NTN4: variants seen among roughly 807,000 people sequenced by gnomAD.
The protein encoded by NTN4 is netrin-4.
NTN4 carries 32 observed loss-of-function variants against 73.6 expected under a neutral mutation model. The ratio of observed to expected loss-of-function variants is 0.44; its 90% CI spans 0.33 to 0.58. The LOEUF (loss-of-function observed/expected upper bound fraction) is 0.58, where lower values mean the gene tolerates loss of function less well. NTN4 is among the 20% of genes least tolerant of loss of function. The probability of loss-of-function intolerance (pLI) is 0.04; values close to 1 mark genes in which losing one functional copy is unlikely to be tolerated. For missense variants in NTN4, 654 were observed against 798.3 expected (o/e 0.82, Z 2.18); for synonymous variants, 258 against 287.5 (o/e 0.90, Z 1.04).
intron 2 of NTN4, among the ~76,000 whole-genome samples, chr12:95,751,530 G>T (rs1374532527): frequency 1.3e-5 from 2 of 152,014 alleles, no homozygotes; most frequent in African/African-American, 4.8e-5. Flanking sequence ...ATCTGTGTGG[G>T]ACCCCACTGA....
intron 2 of NTN4, among the ~76,000 whole-genome samples, chr12:95,757,439 A>G (rs1297987380): frequency 6.6e-6 from 1 of 152,136 alleles, no homozygotes; most frequent in East Asian, 1.9e-4. Flanking sequence ...TGGTTATAGA[A>G]TACATAGCAA....
At chr12:95,713,439 A>G in intron 3 of NTN4, 101 bp from the exon 4 acceptor site, 2 of 1,327,038 alleles carry the variant, frequency 1.5e-6, no homozygotes, top group Non-Finnish European at 2.0e-6. Context: ...TTTAGTCATA[A>G]GATGTTCATT....
At chr12:95,786,075 T>C (rs2079165342) in intron 2 of NTN4, among the ~76,000 whole-genome samples, 1 of 152,180 alleles carries the variant, frequency 6.6e-6, no homozygotes, top group South Asian at 2.1e-4. Context: ...CACCCCTAGT[T>C]GAAAGCCACT....
At chr12:95,663,156 G>A (rs542717892) in intron 9 of NTN4, among the ~76,000 whole-genome samples, 1 of 151,718 alleles carries the variant, frequency 6.6e-6, no homozygotes, top group Non-Finnish European at 1.5e-5. Flanking sequence ...TCAATCTCAG[G>A]GTTAAGTCTA....
chr12:95,738,728 T>C (rs2078800863), intron 2 of NTN4, among the ~76,000 whole-genome samples: 1 of 152,168 alleles, frequency 6.6e-6, no homozygotes, highest in Non-Finnish European at 1.5e-5. Context: ...TAGAGATCAA[T>C]TTCATACCAA....
intron 5 of NTN4, among the ~76,000 whole-genome samples, chr12:95,708,730 T>A (rs2078540297): frequency 6.6e-6 from 1 of 152,192 alleles, no homozygotes; most frequent in South Asian, 2.1e-4. Flanking sequence ...TCTTGAGGGC[T>A]TATTCTATGA....
Position 95,737,928 on chromosome 12 carries a change from C to T in NTN4, c.802G>A (p.Ala268Thr), listed in dbSNP as rs140109505. 2.2e-5 allele frequency: 36 copies of T among 1,613,974 alleles called. No homozygotes were observed. The highest frequency in any genetic ancestry group is 2.7e-5 in the Non-Finnish European group (32 of 1,179,984). The stretch of plus-strand genomic sequence containing the variant: ...CCATGAACAGGTATGCATTGATCAG[C>T]GTGGCCATTGCAGAAGCAGCTGCCC... The part of the protein sequence containing the change: ...VKGSCFCNGH[A>T]DQCIPVHGFR... Residue 268 changes from alanine to threonine, a missense_variant, in exon 3 of 10, where the codon GCT becomes ACT. Coordinates refer to ENST00000343702, the MANE Select transcript of NTN4 (RefSeq NM_021229.4).
chr12:95,729,356 G>C (rs1374878945), intron 3 of NTN4, among the ~76,000 whole-genome samples: 13 of 151,826 alleles, frequency 8.6e-5, no homozygotes, highest in Non-Finnish European at 1.9e-4. Context: ...TAGGAAAAGA[G>C]CTAAAAAGAT....
chr12:95,701,917 G>A (rs1474728081), intron 5 of NTN4, among the ~76,000 whole-genome samples: 1 of 152,172 alleles, frequency 6.6e-6, no homozygotes, highest in African/African-American at 2.4e-5. Context: ...CATAGATGCT[G>A]TGAGGAAGAA....
intron 2 of NTN4, among the ~76,000 whole-genome samples, chr12:95,761,393 C>G (rs1284550019): frequency 6.9e-6 from 1 of 145,234 alleles, no homozygotes. Flanking sequence ...TGCAGTGGTG[C>G]GATCTCGGCT....
intron 5 of NTN4, among the ~76,000 whole-genome samples, chr12:95,689,389 AT>A (rs1473952583): frequency 6.6e-6 from 1 of 152,106 alleles, no homozygotes; most frequent in East Asian, 1.9e-4. Flanking sequence ...CCTTGTTCTA[AT>A]TAATTAGGAC....
At chr12:95,758,466 AAT>A (rs2078962198) in intron 2 of NTN4, among the ~76,000 whole-genome samples, 1 of 152,010 alleles carries the variant, frequency 6.6e-6, no homozygotes, top group South Asian at 2.1e-4. Flanking sequence ...GTGATATGTA[AAT>A]ATATATTCAG....
intron 3 of NTN4, among the ~76,000 whole-genome samples, chr12:95,731,303 C>A (rs2078735305): frequency 6.6e-6 from 1 of 152,158 alleles, no homozygotes; most frequent in Non-Finnish European, 1.5e-5. Flanking sequence ...CATGGTGGCT[C>A]ACACCTGTAA....
At chr12:95,666,510 CTTAT>C (rs1243834758) in intron 8 of NTN4, among the ~76,000 whole-genome samples, 1 of 152,114 alleles carries the variant, frequency 6.6e-6, no homozygotes, top group African/African-American at 2.4e-5. Context: ...TAACTATATT[CTTAT>C]TTGTTAGGCA....
chr12:95,777,090 C>A (rs2079099017), intron 2 of NTN4, among the ~76,000 whole-genome samples: 2 of 152,084 alleles, frequency 1.3e-5, no homozygotes, highest in African/African-American at 4.8e-5. Flanking sequence ...GAAATAAAAT[C>A]CTTTACAGAC....
Position 95,787,464 on chromosome 12 carries a change from C to T in NTN4, c.60G>A (p.Leu20=), listed in dbSNP as rs1361440493. The T allele has an allele frequency of 5.0e-6, 8 of 1,613,172 alleles. No individual in the cohort carries two copies. Among genetic ancestry groups the T allele is most frequent in the African/African-American group, 1.3e-5 (1 of 74,936 alleles). The change falls in exon 2 of 10, where the codon CTG becomes CTA. Residue 20 remains leucine (L), a synonymous_variant. Transcript: ENST00000343702. ...LWGCTVVAAG[L]SGVAGVSSRC... is the part of the protein sequence containing the mutation. ...GGGAACTCACTCCAGCTACTCCACT[C>T]AGTCCTAAGAAAGGGAAAGCATGCA...
chr12:95,790,932 G>T (rs1304868719), upstream of NTN4, among the ~76,000 whole-genome samples: 1 of 148,890 alleles, frequency 6.7e-6, no homozygotes, highest in African/African-American at 2.4e-5. The surrounding 1 kb of genome is among the most constrained non-coding windows in gnomAD (Gnocchi z 6.5). Context: ...GCCGCCCGGG[G>T]GGGGGGTCCC....
chr12:95,699,816 A>G (rs144898626), intron 5 of NTN4, among the ~76,000 whole-genome samples: 62 of 152,290 alleles, frequency 4.1e-4, no homozygotes, highest in Non-Finnish European at 8.4e-4. Flanking sequence ...ATTTTGGCCC[A>G]TCAGGGAGGA....
At chr12:95,752,681 C>T (rs2078918812) in intron 2 of NTN4, among the ~76,000 whole-genome samples, 1 of 152,160 alleles carries the variant, frequency 6.6e-6, no homozygotes, top group Admixed American at 6.5e-5. Context: ...TACAAAACAA[C>T]AACTCCTTTC....
Sources: allele counts gnomAD v4.1 joint callset (sites outside exome capture counted in the v4.1 genomes callset), GRCh38; gene constraint gnomAD v4.1.1; non-coding constraint Gnocchi (gnomAD v3.1); transcripts MANE v1.5; gene names NCBI Gene and HGNC (gene_info 2026-07-23, HGNC 2026-07-21).